The following MAN2B2 variants were observed in gnomAD, a reference collection of about 807,000 sequenced individuals.
MAN2B2 encodes the protein mannosidase alpha class 2B member 2, also known as epididymis-specific alpha-mannosidase.
MAN2B2 carries 106 observed loss-of-function variants against 117.1 expected under a neutral mutation model. The observed-to-expected ratio is 0.90, with a 90% confidence interval of 0.77 to 1.06. The LOEUF (loss-of-function observed/expected upper bound fraction) is 1.06, where lower values mean the gene tolerates loss of function less well. Among genes scored for constraint, MAN2B2 ranks in the 50% least tolerant of loss-of-function variants. The probability of loss-of-function intolerance (pLI) is 0.00; values close to 1 mark genes in which losing one functional copy is unlikely to be tolerated. For missense variants in MAN2B2, 1,326 were observed against 1,381.4 expected, an observed-to-expected ratio of 0.96 and a Z score of 0.64; for synonymous variants, 544 against 595.1, an observed-to-expected ratio of 0.91 and a Z score of 1.25.
At chr4:6,597,434 T>TC in intron 8 of MAN2B2, 131 bp downstream of exon 8, 1 of 1,028,924 alleles carries the variant, frequency 9.7e-7, no homozygotes, top group Non-Finnish European at 1.3e-6. Flanking sequence ...AAACTGAGGT[T>TC]CCCTTTGGTT....
Position 6,597,310 on chromosome 4 carries a change from C to T in MAN2B2, c.1248+7C>T, listed in dbSNP as rs1247292784. ...TCGCTGGGCCGTCTCCGAGGTAACA[C>T]CACATTTAGCCACAGTGGCAGGATT... is the stretch of plus-strand genomic sequence containing the variant. On this transcript the variant is annotated splice_region_variant and intron_variant, in intron 8 of 18. Transcript: ENST00000285599. The T allele has an allele frequency of 3.3e-6, 5 of 1,524,560 alleles. No individual in the cohort carries two copies. Among genetic ancestry groups the T allele is most frequent in the East Asian group, 4.7e-5 (2 of 42,342 alleles). The allele number at this position is 1,524,560 out of a possible 1,614,324, so 94.4% of individuals were successfully genotyped here. A position where few individuals can be genotyped will look rare whatever the true frequency, so the allele number is the denominator to read the frequency against.
At position 6,609,299 on chromosome 4, in the gene MAN2B2, G is replaced by C; in HGVS notation, c.2006+1G>C. ...CTGAGATCCGGCAGTACTTCTACAG[G>C]TGCTTCCCCTGGGGTGACCCCCACA... is the stretch of plus-strand genomic sequence containing the variant. On this transcript the variant is annotated splice_donor_variant, in intron 12 of 18. Coordinates refer to ENST00000285599, the MANE Select transcript of MAN2B2 (RefSeq NM_015274.3). LOFTEE classifies it high-confidence loss of function. 6.2e-7 allele frequency: 1 copy of C among 1,613,370 alleles called. No homozygotes were observed. The highest frequency in any genetic ancestry group is 1.1e-5 in the South Asian group (1 of 91,016).
At chr4:6,606,880 C>T (rs1254673897) in intron 11 of MAN2B2, among the ~76,000 whole-genome samples, 1 of 152,208 alleles carries the variant, frequency 6.6e-6, no homozygotes, top group South Asian at 2.1e-4. Flanking sequence ...ACACCAACCC[C>T]AGGGCAGTGT....
intron 3 of MAN2B2, among the ~76,000 whole-genome samples, chr4:6,579,529 T>A (rs1416419666): frequency 3.5e-5 from 5 of 141,418 alleles, no homozygotes. Context: ...ACCACCACCC[T>A]TCACCACTGC....
chr4:6,617,306 C>A, intron 16 of MAN2B2, 74 bp from the exon 17 acceptor site: 1 of 1,115,824 alleles, frequency 9.0e-7, no homozygotes, highest in Non-Finnish European at 1.3e-6. Context: ...GTGTGTAAAG[C>A]AGCGGGTATA....
chr4:6,594,425 C>G, intron 6 of MAN2B2, 109 bp from the exon 7 acceptor site: 1 of 1,136,174 alleles, frequency 8.8e-7, no homozygotes, highest in African/African-American at 1.5e-5. Context: ...CCCCTGTTGG[C>G]CGCCTTGGAG....
intron 5 of MAN2B2, among the ~76,000 whole-genome samples, chr4:6,590,478 C>T (rs11728261): frequency 0.33 from 49,501 of 152,142 alleles, 9,233 homozygotes; most frequent in East Asian, 0.5. Context: ...TCTGCTCTCG[C>T]CTCGCCTGTC....
At position 6,609,165 on chromosome 4, in the gene MAN2B2, G is replaced by T; in HGVS notation, c.1873G>T (p.Asp625Tyr). ...QEFLEYHVNG[D>Y]VKQGPISDNY... ...ATTCCTGGAGTACCACGTCAACGGG[G>T]ATGTGAAACAGGGCCCCATTTCCGA... Residue 625 changes from aspartate to tyrosine, a missense_variant, in exon 12 of 19, where the codon GAT becomes TAT. Transcript: ENST00000285599. The T allele has an allele frequency of 6.2e-7, 1 of 1,614,252 alleles. No individual in the cohort carries two copies. Among genetic ancestry groups the T allele is most frequent in the Non-Finnish European group, 8.5e-7 (1 of 1,180,042 alleles).
At chr4:6,588,688 G>A (rs1333385270) in intron 4 of MAN2B2, among the ~76,000 whole-genome samples, 1 of 152,122 alleles carries the variant, frequency 6.6e-6, no homozygotes, top group African/African-American at 2.4e-5. Context: ...GCACTCCTGG[G>A]TGACAGAGTG....
At chr4:6,578,993 A>C (rs937632107) in intron 3 of MAN2B2, among the ~76,000 whole-genome samples, 1 of 148,440 alleles carries the variant, frequency 6.7e-6, no homozygotes, top group African/African-American at 2.5e-5. Context: ...GACCATCACT[A>C]CCACTACCAT....
intron 3 of MAN2B2, among the ~76,000 whole-genome samples, chr4:6,579,034 TACCACCATCACCACCATC>T (rs1282814146): frequency 3.0e-5 from 1 of 33,728 alleles, no homozygotes; most frequent in African/African-American, 1.3e-4. Context: ...CCATCACCAC[TACCACCATCACCACCATC>T]ACCACCACCA....
At chr4:6,617,678 T>TA in intron 17 of MAN2B2, 186 bp downstream of exon 17, 1 of 1,205,320 alleles carries the variant, frequency 8.3e-7, no homozygotes, top group Non-Finnish European at 1.1e-6. Context: ...CCTGGTTTTT[T>TA]AGGGTTTTTT....
At chr4:6,598,481 T>C (rs1386995618) in intron 9 of MAN2B2, 127 bp downstream of exon 9, 3 of 1,032,056 alleles carry the variant, frequency 2.9e-6, no homozygotes, top group Admixed American at 2.7e-5. Context: ...CCCTTCCCCA[T>C]GGTGAGAGCT....
At chr4:6,594,861 TGTGGGGCGCAGGGGCAGAGACTG>T in intron 7 of MAN2B2, 129 bp downstream of exon 7, 3 of 973,626 alleles carry the variant, frequency 3.1e-6, no homozygotes, top group Non-Finnish European at 4.6e-6. Context: ...GCAGGTTCTG[TGTGGGGCGCAGGGGCAGAGACTG>T]ACCCTCTCTG....
chr4:6,576,195 A>T (rs1158774159), intron 1 of MAN2B2, among the ~76,000 whole-genome samples: 1 of 152,124 alleles, frequency 6.6e-6, no homozygotes, highest in Non-Finnish European at 1.5e-5. Context: ...GGGTCACTGG[A>T]CCACACCCCG....
rs1726160899 is a variant in MAN2B2 at position 6,578,592 on chromosome 4, C to A, written c.391+94C>A. The A allele has an allele frequency of 4.8e-6, 5 of 1,049,022 alleles. No individual in the cohort carries two copies. In the Admixed American group the frequency reaches 6.3e-5, roughly 13 times the overall value. The allele number at this position is 1,049,022 out of a possible 1,614,324, so 65.0% of individuals were successfully genotyped here. On this transcript the variant is annotated intron_variant, in intron 3 of 18. Coordinates refer to ENST00000285599, the MANE Select transcript of MAN2B2 (RefSeq NM_015274.3). ...ACCCCCAGGTTCTGAGCTCTGTCTG[C>A]CCCTCTTAGTGGGGTCGGGGACCTT...
chr4:6,593,155 CCTT>C lies in MAN2B2; in HGVS notation c.681-15_681-13del, dbSNP rs1726920613. 3 of 1,611,678 alleles carry C rather than the reference CCTT, an allele frequency of 1.9e-6. No individual in the cohort carries two copies. The highest frequency in any genetic ancestry group is 1.3e-5 in the African/African-American group (1 of 74,878). ...ACAGAGTTCGTGTCTTCTGCCCTAA[CCTT>C]CTGCCCTCGCACAGGTCAGGATTTT... On this transcript the variant is annotated splice_polypyrimidine_tract_variant and intron_variant, in intron 5 of 18. Coordinates refer to ENST00000285599, the MANE Select transcript of MAN2B2 (RefSeq NM_015274.3).
chr4:6,587,865 G>T (rs187896307), intron 4 of MAN2B2, among the ~76,000 whole-genome samples: 2 of 144,538 alleles, frequency 1.4e-5, no homozygotes, highest in Non-Finnish European at 3.0e-5. Context: ...AGCGATTATT[G>T]TGCCTCAGCC....
intron 9 of MAN2B2, 99 bp downstream of exon 9, chr4:6,598,453 TC>T: frequency 7.7e-7 from 1 of 1,300,440 alleles, no homozygotes; most frequent in Non-Finnish European, 1.1e-6. Flanking sequence ...AGACTCTGAG[TC>T]CACATCACCC....
Sources: allele counts gnomAD v4.1 joint callset (sites outside exome capture counted in the v4.1 genomes callset), GRCh38; gene constraint gnomAD v4.1.1; transcripts MANE v1.5; gene names NCBI Gene and HGNC (gene_info 2026-07-23, HGNC 2026-07-21).